NRP2: variants seen among roughly 807,000 people sequenced by gnomAD.
NRP2 encodes neuropilin-2.
A neutral mutation model predicts 110.4 loss-of-function variants in NRP2; 52 were observed. The ratio of observed to expected loss-of-function variants is 0.47; its 90% CI spans 0.38 to 0.59. The LOEUF (loss-of-function observed/expected upper bound fraction) is 0.59. NRP2 is among the 20% of genes least tolerant of loss of function. The probability of loss-of-function intolerance (pLI) is 0.00; values close to 1 mark genes in which losing one functional copy is unlikely to be tolerated. For missense variants in NRP2, 1,049 were observed against 1,203.0 expected (o/e 0.87, Z 1.89); for synonymous variants, 508 against 468.9 (o/e 1.08, Z -1.08).
chr2:205,746,182 CT>C (rs2057535950), intron 10 of NRP2, among the ~76,000 whole-genome samples: 1 of 152,210 alleles, frequency 6.6e-6, no homozygotes, highest in Non-Finnish European at 1.5e-5. Context: ...CAATTAGACC[CT>C]GGCTCTTCAG....
chr2:205,786,779 G>T (rs1246390483), intron 15 of NRP2, among the ~76,000 whole-genome samples: 2 of 152,198 alleles, frequency 1.3e-5, no homozygotes, highest in African/African-American at 4.8e-5. Context: ...CACTTTGTCA[G>T]TTCCTCAGTC....
chr2:205,791,477 G>C (rs1441521411), intron 15 of NRP2, among the ~76,000 whole-genome samples: 1 of 152,092 alleles, frequency 6.6e-6, no homozygotes, highest in African/African-American at 2.4e-5. Flanking sequence ...TCTATAAGTT[G>C]GACAGCACAG....
intron 15 of NRP2, among the ~76,000 whole-genome samples, chr2:205,783,472 A>C (rs2058200136): frequency 6.6e-6 from 1 of 152,268 alleles, no homozygotes; most frequent in African/African-American, 2.4e-5. Flanking sequence ...ATTGTGCTGC[A>C]GACTAAACTA....
rs1334515512 is a variant in NRP2, at chr2:205,745,827, C to A, written c.1723C>A (p.Pro575Thr). 6.2e-7 allele frequency: 1 copy of A among 1,614,152 alleles called. No individual in the cohort carries two copies. Among genetic ancestry groups the A allele is most frequent in the Admixed American group, 1.7e-5 (1 of 60,020 alleles). The change falls in exon 10 of 17, where the codon CCG (proline) becomes ACG (threonine). Residue 575 changes from proline to threonine, a missense_variant. Transcript: ENST00000357785. Reference sequence around the variant, plus strand: ...TCCGGCACAGTATGTGCGGGTATACCCGGAGAGGTGGTCGCCGGCGGGGAT... The same window carrying A: ...TCCGGCACAGTATGTGCGGGTATACACGGAGAGGTGGTCGCCGGCGGGGAT... Reference protein sequence around the residue: ...PIPAQYVRVYPERWSPAGIGM... With the variant: ...PIPAQYVRVYTERWSPAGIGM...
intron 11 of NRP2, 164 bp from the exon 12 acceptor site, chr2:205,752,671 G>A (rs766209398): frequency 1.1e-4 from 81 of 735,288 alleles, no homozygotes; most frequent in Middle Eastern, 2.6e-4. Flanking sequence ...AGCCTGACCC[G>A]AAAGCCAGCG....
chr2:205,706,454 T>G (rs1205339113), intron 2 of NRP2, among the ~76,000 whole-genome samples: 1 of 152,128 alleles, frequency 6.6e-6, no homozygotes, highest in African/African-American at 2.4e-5. Flanking sequence ...GATGCAGGTT[T>G]TAATGGAAGA....
intron 2 of NRP2, among the ~76,000 whole-genome samples, chr2:205,711,860 C>T (rs548252804): frequency 2.0e-5 from 3 of 152,306 alleles, no homozygotes; most frequent in African/African-American, 7.2e-5. Flanking sequence ...GTGAATCTTC[C>T]AGCACAGGCT....
intron 7 of NRP2, among the ~76,000 whole-genome samples, chr2:205,728,287 T>G (rs1200553039): frequency 6.6e-6 from 1 of 152,196 alleles, no homozygotes; most frequent in African/African-American, 2.4e-5. Context: ...AGAGAGAGCT[T>G]GCAGAGTGTT....
chr2:205,697,552 T>A lies in NRP2; in HGVS notation c.82T>A (p.Cys28Ser). Residue 28 changes from cysteine (C) to serine (S), a missense_variant, in exon 2 of 17, where the codon TGC (cysteine) becomes AGC (serine). Transcript: ENST00000357785. The stretch of plus-strand genomic sequence containing the variant: ...GTTGATTTCTCTTTCAGACCCACCG[T>A]GCGGAGGTCGTTTGAATTCCAAAGA... Reference protein sequence around the residue: ...HQVRGQPDPPCGGRLNSKDAG... With the variant: ...HQVRGQPDPPSGGRLNSKDAG... 6.2e-7 allele frequency: 1 copy of A among 1,613,962 alleles called. No homozygotes were observed. Among genetic ancestry groups the A allele is most frequent in the Non-Finnish European group, 8.5e-7 (1 of 1,179,940 alleles).
At position 205,725,856 on chromosome 2, in the gene NRP2, G is replaced by A. The variant is rs2057116698; in HGVS notation, c.821-57G>A. 2.5e-6 allele frequency: 4 copies of A among 1,589,904 alleles called. No individual in the cohort carries two copies. The highest frequency in any genetic ancestry group is 1.1e-5 in the South Asian group (1 of 90,438). On this transcript the variant is annotated intron_variant, in intron 5 of 16. Coordinates refer to ENST00000357785, the MANE Select transcript of NRP2 (RefSeq NM_003872.3). The surrounding 1 kb of genome is among the most constrained non-coding windows in gnomAD (Gnocchi z 4.1). ...CCTAGAAGGGAGGCAGCATTTGGGG[G>A]ATCCCGAGGTATGAGGTTGGAAGGC... is the stretch of plus-strand genomic sequence containing the variant.
In NRP2 at chr2:205,776,412, G is replaced by A. The variant is rs755435998; in HGVS notation, c.2425+9609G>A. On this transcript the variant is annotated intron_variant, in intron 15 of 16. Transcript: ENST00000357785. ...ACCACCGGTTCCGCTATGCGGCCAAGAAGACCGATCACTCCATCACCTACA... is the reference window on the plus strand; with the variant it reads ...ACCACCGGTTCCGCTATGCGGCCAAAAAGACCGATCACTCCATCACCTACA... 5.5e-5 allele frequency: 88 copies of A among 1,613,568 alleles called. No individual in the cohort carries two copies. Among genetic ancestry groups the A allele is most frequent in the Non-Finnish European group, 7.3e-5 (86 of 1,180,008 alleles).
At chr2:205,741,210 A>C (rs1172332084) in intron 8 of NRP2, among the ~76,000 whole-genome samples, 12 of 152,268 alleles carry the variant, frequency 7.9e-5, no homozygotes, top group African/African-American at 2.9e-4. Flanking sequence ...TCATAAATAA[A>C]TATAAAATCA....
chr2:205,765,515 G>A lies in NRP2; in HGVS notation c.2349G>A (p.Glu783=), dbSNP rs1227518899. ...EGVIGKGRSG[E]IAIDDIRIST... ...TGATAGGGAAAGGACGTTCCGGAGA[G>A]ATTGCCATTGATGACATTCGGATAA... The change falls in exon 14 of 17, where the codon GAG becomes GAA. Residue 783 remains glutamate (E), a synonymous_variant. Transcript: ENST00000357785. 6.2e-7 allele frequency: 1 copy of A among 1,614,100 alleles called. No homozygotes were observed. Among genetic ancestry groups the A allele is most frequent in the Non-Finnish European group, 8.5e-7 (1 of 1,180,042 alleles).
At chr2:205,764,111 C>T (rs904378430) in intron 13 of NRP2, 175 bp downstream of exon 13, 4 of 805,438 alleles carry the variant, frequency 5.0e-6, no homozygotes, top group Non-Finnish European at 5.7e-6. Context: ...TCTCTACACC[C>T]AGACTTGGTT....
intron 7 of NRP2, among the ~76,000 whole-genome samples, chr2:205,734,945 T>C (rs985412636): frequency 6.6e-6 from 1 of 152,064 alleles, no homozygotes; most frequent in African/African-American, 2.4e-5. Flanking sequence ...GTTCACACCA[T>C]AGGTAATGAA....
At chr2:205,721,379 G>A (rs150486127) in intron 3 of NRP2, among the ~76,000 whole-genome samples, 1,694 of 152,260 alleles carry the variant, frequency 0.011, 26 homozygotes, top group African/African-American at 0.03. Context: ...AACATAACGA[G>A]TGAAATCAAT....
chr2:205,780,248 A>G (rs1389702932), intron 15 of NRP2, among the ~76,000 whole-genome samples: 2 of 152,238 alleles, frequency 1.3e-5, no homozygotes, highest in Non-Finnish European at 2.9e-5. Flanking sequence ...GCTGAAAGAT[A>G]TTCTAGACTT....
chr2:205,708,799 A>G (rs2056739458), intron 2 of NRP2, among the ~76,000 whole-genome samples: 1 of 151,904 alleles, frequency 6.6e-6, no homozygotes, highest in African/African-American at 2.4e-5. Context: ...TTGTGAGGGG[A>G]TTGTGGATAA....
chr2:205,729,002 G>A (rs759873063), intron 7 of NRP2, among the ~76,000 whole-genome samples: 5 of 152,164 alleles, frequency 3.3e-5, no homozygotes, highest in African/African-American at 1.2e-4. Context: ...ACCAAGCCCT[G>A]GTCTGTCAGA....
Sources: allele counts gnomAD v4.1 joint callset (sites outside exome capture counted in the v4.1 genomes callset), GRCh38; gene constraint gnomAD v4.1.1; non-coding constraint Gnocchi (gnomAD v3.1); transcripts MANE v1.5; gene names NCBI Gene and HGNC (gene_info 2026-07-23, HGNC 2026-07-21).